The following DNAJB6 variants were observed in gnomAD, a reference collection of about 807,000 sequenced individuals.
DNAJB6 encodes the protein dnaJ homolog subfamily B member 6.
In DNAJB6, 16 loss-of-function variants were observed where a neutral mutation model predicts 42.7. The observed-to-expected ratio is 0.37, with a 90% CI of 0.25 to 0.57. The LOEUF is 0.57. DNAJB6 is among the 20% of genes least tolerant of loss of function. The pLI, the probability that DNAJB6 is intolerant of heterozygous loss-of-function variation, is 0.74. For missense variants in DNAJB6, 347 were observed against 416.8 expected (o/e 0.83, Z 1.46); for synonymous variants, 170 against 163.5 (o/e 1.04, Z -0.30).
chr7:157,382,082 GGTA>G, intron 5 of DNAJB6, 161 bp from the exon 6 acceptor site: 1 of 588,524 alleles, frequency 1.7e-6, no homozygotes, highest in Non-Finnish European at 2.8e-6. Flanking sequence ...CTGTTGGTGA[GGTA>G]GTGTTTCAGT....
intron 1 of DNAJB6, among the ~76,000 whole-genome samples, chr7:157,352,298 T>C (rs949082678): frequency 2.0e-5 from 3 of 151,902 alleles, no homozygotes; most frequent in African/African-American, 7.3e-5. Context: ...TACTCTACTC[T>C]GGCGACAGAG....
intron 6 of DNAJB6, among the ~76,000 whole-genome samples, chr7:157,384,071 T>C (rs1246654106): frequency 6.6e-6 from 1 of 152,202 alleles, no homozygotes; most frequent in African/African-American, 2.4e-5. Flanking sequence ...GAGGTATGCG[T>C]CATTTGTGTT....
At chr7:157,379,421 C>G (rs1800638037) in intron 5 of DNAJB6, 1 of 152,216 alleles carries the variant, frequency 6.6e-6, no homozygotes, top group Non-Finnish European at 1.5e-5. Flanking sequence ...GGCTTAGGGA[C>G]TCAGGTATGG....
intron 8 of DNAJB6, among the ~76,000 whole-genome samples, chr7:157,393,757 C>G (rs980471053): frequency 6.6e-6 from 1 of 151,818 alleles, no homozygotes; most frequent in African/African-American, 2.4e-5. Context: ...ATGATCAGAT[C>G]GGGGTGCATG....
intron 5 of DNAJB6, among the ~76,000 whole-genome samples, chr7:157,376,308 A>T (rs115506041): frequency 1.4e-3 from 208 of 152,236 alleles, no homozygotes; most frequent in African/African-American, 4.6e-3. Context: ...TGTTCTTTAG[A>T]TAGTCAGTTT....
chr7:157,344,216 C>T (rs1798566154), intron 1 of DNAJB6, among the ~76,000 whole-genome samples: 2 of 152,176 alleles, frequency 1.3e-5, no homozygotes, highest in Non-Finnish European at 2.9e-5. Flanking sequence ...TGACAGGTGC[C>T]TGTAGTCTCA....
intron 9 of DNAJB6, 41 bp from the exon 10 acceptor site, chr7:157,415,975 G>C: frequency 6.2e-7 from 1 of 1,613,954 alleles, no homozygotes; most frequent in Non-Finnish European, 8.5e-7. Flanking sequence ...TGGGGAAGCA[G>C]TGCTGTTCCG....
intron 8 of DNAJB6, among the ~76,000 whole-genome samples, chr7:157,403,131 C>T (rs544734077): frequency 1.1e-4 from 17 of 152,222 alleles, no homozygotes; most frequent in East Asian, 7.7e-4. Context: ...CGGGGGCTTC[C>T]GGGTCATAGG....
intron 8 of DNAJB6, among the ~76,000 whole-genome samples, chr7:157,401,830 G>A (rs1795531099): frequency 6.6e-6 from 1 of 152,188 alleles, no homozygotes; most frequent in South Asian, 2.1e-4. Context: ...CCCTCCTGCC[G>A]CCGTCTCCAC....
intron 2 of DNAJB6, 119 bp from the exon 3 acceptor site, chr7:157,363,042 A>G (rs908497158): frequency 3.3e-6 from 2 of 614,362 alleles, no homozygotes; most frequent in Non-Finnish European, 5.8e-6. Flanking sequence ...AGTTAAAACC[A>G]GTATTCATCT....
intron 8 of DNAJB6, among the ~76,000 whole-genome samples, chr7:157,397,843 A>G (rs1011973172): frequency 6.6e-6 from 1 of 152,204 alleles, no homozygotes; most frequent in Non-Finnish European, 1.5e-5. Flanking sequence ...AAAGCAAGTC[A>G]CTGTCCTGTT....
chr7:157,388,640 G>A (rs1057146469), intron 8 of DNAJB6, among the ~76,000 whole-genome samples: 6 of 147,806 alleles, frequency 4.1e-5, no homozygotes, highest in Admixed American at 3.4e-4. Context: ...ATAGCTTTTG[G>A]GGGGGGGGTA....
At chr7:157,378,286 C>T (rs1188657044) in intron 5 of DNAJB6, 1 of 152,148 alleles carries the variant, frequency 6.6e-6, no homozygotes, top group Non-Finnish European at 1.5e-5. Context: ...TTGATTAACA[C>T]GTGTCTTAAG....
chr7:157,398,522 A>G (rs1359821292), intron 8 of DNAJB6, among the ~76,000 whole-genome samples: 1 of 152,224 alleles, frequency 6.6e-6, no homozygotes, highest in African/African-American at 2.4e-5. Context: ...CCATTTGGGG[A>G]AGAAACTGGA....
intron 2 of DNAJB6, among the ~76,000 whole-genome samples, chr7:157,359,623 A>G (rs879258731): frequency 2.0e-5 from 3 of 152,074 alleles, no homozygotes; most frequent in Non-Finnish European, 4.4e-5. Context: ...CAGGGGTTTG[A>G]GACCAGCCTG....
At chr7:157,343,226 T>C (rs6944079) in intron 1 of DNAJB6, among the ~76,000 whole-genome samples, 1 of 151,816 alleles carries the variant, frequency 6.6e-6, no homozygotes, top group East Asian at 1.9e-4. Context: ...AGTGGCACTA[T>C]CTTGGCTCAC....
At chr7:157,354,399 G>C (rs979117519) in intron 1 of DNAJB6, among the ~76,000 whole-genome samples, 3 of 152,158 alleles carry the variant, frequency 2.0e-5, no homozygotes, top group Non-Finnish European at 4.4e-5. Context: ...CACCCACCTT[G>C]GCCTCCCAAA....
intron 6 of DNAJB6, among the ~76,000 whole-genome samples, chr7:157,383,659 T>C (rs575972928): frequency 6.6e-6 from 1 of 151,668 alleles, no homozygotes; most frequent in Admixed American, 6.6e-5. Flanking sequence ...GGTGTAAGCC[T>C]TCTCCACTTC....
intron 5 of DNAJB6, chr7:157,380,442 G>A (rs906016388): frequency 1.1e-4 from 17 of 152,218 alleles, no homozygotes; most frequent in African/African-American, 4.1e-4. Flanking sequence ...GTGGGGGACG[G>A]TAAGGTCTGT....
Sources: allele counts gnomAD v4.1 joint callset (sites outside exome capture counted in the v4.1 genomes callset), GRCh38; gene constraint gnomAD v4.1.1; transcripts MANE v1.5; gene names NCBI Gene and HGNC (gene_info 2026-07-23, HGNC 2026-07-21).